Variants in TSPOAP1 observed in about 807,000 individuals in gnomAD.
The protein encoded by TSPOAP1 is peripheral-type benzodiazepine receptor-associated protein 1.
In TSPOAP1, 87 loss-of-function variants were observed where a neutral mutation model predicts 197.0. The observed-to-expected ratio is 0.44, with a 90% CI of 0.37 to 0.53. TSPOAP1 has a LOEUF of 0.53. TSPOAP1 is among the 20% of genes least tolerant of loss of function. TSPOAP1 has a pLI of 0.00. For missense variants in TSPOAP1, 2,174 were observed against 2,411.3 expected (o/e 0.90, Z 2.06); for synonymous variants, 913 against 998.9 (o/e 0.91, Z 1.62).
rs201115888 is a variant in TSPOAP1 at position 58,312,503 on chromosome 17, C to T, written c.2318G>A (p.Gly773Glu). Residue 773 changes from glycine (G) to glutamate (E), a missense_variant, in exon 17 of 32, where the codon GGG becomes GAG. Gly to Glu is a moderately conservative substitution (Grantham distance 98, BLOSUM62 -2). Transcript: ENST00000343736. ...SQPRPEEEDA[G>E]DELSLSPSPE... The stretch of plus-strand genomic sequence containing the variant: ...TGATGGGCTCAGACTGAGCTCGTCC[C>T]CTGCATCCTCCTCCTCAGGTCTGGG... 38 of 1,600,830 alleles carry T rather than the reference C, an allele frequency of 2.4e-5. No individual in the cohort carries two copies. In the East Asian group the frequency reaches 8.0e-4, roughly 34 times the overall value.
Position 58,319,277 on chromosome 17 carries a change from G to A in TSPOAP1, c.1512C>T (p.Leu504=), listed in dbSNP as rs760305904. 6.3e-6 allele frequency: 10 copies of A among 1,586,864 alleles called. No individual in the cohort carries two copies. Among genetic ancestry groups the A allele is most frequent in the East Asian group, 2.3e-5 (1 of 43,026 alleles). Residue 504 remains leucine (L), a synonymous_variant, in exon 13 of 32, where the codon CTC becomes CTT. Coordinates refer to ENST00000343736, the MANE Select transcript of TSPOAP1 (RefSeq NM_004758.4). Reference sequence around the variant, plus strand: ...CGGTTTGGCTGCGGCACTGTTCTTCGAGCTCTCGAACCCGGGCCTGGGCCA... The same window carrying A: ...CGGTTTGGCTGCGGCACTGTTCTTCAAGCTCTCGAACCCGGGCCTGGGCCA... The part of the protein sequence containing the change: ...LDSMQARVRE[L]EEQCRSQTEQ...
In TSPOAP1 at chr17:58,306,339, C is replaced by T; in HGVS notation, c.5224+3G>A. The T allele has an allele frequency of 6.4e-7, 1 of 1,553,500 alleles. No homozygotes were observed. Among genetic ancestry groups the T allele is most frequent in the African/African-American group, 1.4e-5 (1 of 73,228 alleles). On this transcript the variant is annotated splice_donor_region_variant and intron_variant, in intron 26 of 31. Transcript: ENST00000343736. ...ACCTGAGAGAGAATGGGGTCTTACC[C>T]ACCTTTCTTGGAGCGGCGGGGCTTG...
At position 58,319,136 on chromosome 17, in the gene TSPOAP1, G is replaced by A; in HGVS notation, c.1653C>T (p.Pro551=). The change falls in exon 13 of 32, where the codon CCC becomes CCT. Residue 551 remains proline (P), a synonymous_variant. Coordinates refer to ENST00000343736, the MANE Select transcript of TSPOAP1 (RefSeq NM_004758.4). ...AAGGCTGGGGAATGGAGCAGCAGCA[G>A]GGGGGTGGTGGGCAGTCTCCAAGGC... ...CGSLGDCPPP[P]CCCSIPQPCR... is the part of the protein sequence containing the mutation. The A allele has an allele frequency of 1.9e-6, 3 of 1,549,016 alleles. No homozygotes were observed. Among genetic ancestry groups the A allele is most frequent in the Non-Finnish European group, 2.6e-6 (3 of 1,144,028 alleles).
At chr17:58,323,649 C>T (rs778481774) in intron 5 of TSPOAP1, 104 bp from the exon 6 acceptor site, 3 of 1,199,720 alleles carry the variant, frequency 2.5e-6, no homozygotes, top group African/African-American at 3.1e-5. Flanking sequence ...CATCATTCAG[C>T]CAGCAAGAGA....
At position 58,323,559 on chromosome 17, in the gene TSPOAP1, G is replaced by C. The variant is rs555441378; in HGVS notation, c.943-14C>G. 6.2e-7 allele frequency: 1 copy of C among 1,612,392 alleles called. No individual in the cohort carries two copies. Among genetic ancestry groups the C allele is most frequent in the African/African-American group, 1.3e-5 (1 of 75,056 alleles). Reference sequence around the variant, plus strand: ...CTGGGGCGTGGCCTGGAAATGCCCAGGGGCAAGGGGCTGGCACCTGAGAAC... The same window carrying C: ...CTGGGGCGTGGCCTGGAAATGCCCACGGGCAAGGGGCTGGCACCTGAGAAC... On this transcript the variant is annotated splice_polypyrimidine_tract_variant and intron_variant, in intron 5 of 31. Transcript: ENST00000343736.
chr17:58,309,963 T>C lies in TSPOAP1; in HGVS notation c.3891+4A>G. ...GGCCCAACAGCCCATCCCTACCCCG[T>C]TACCTTGGCCCCATTCTCCCTGATG... On this transcript the variant is annotated splice_donor_region_variant and intron_variant, in intron 21 of 31. Coordinates refer to ENST00000343736, the MANE Select transcript of TSPOAP1 (RefSeq NM_004758.4). The surrounding 1 kb of genome is among the most constrained non-coding windows in gnomAD (Gnocchi z 5.0). 6.2e-7 allele frequency: 1 copy of C among 1,607,704 alleles called. No homozygotes were observed. Among genetic ancestry groups the C allele is most frequent in the Non-Finnish European group, 8.5e-7 (1 of 1,176,454 alleles).
At chr17:58,320,202 C>T (rs374589173) in intron 11 of TSPOAP1, 73 bp from the exon 12 acceptor site, 53 of 1,574,712 alleles carry the variant, frequency 3.4e-5, no homozygotes, top group African/African-American at 2.2e-4. Flanking sequence ...GAGAGGGAGG[C>T]GGAGAAGGGG....
At position 58,310,510 on chromosome 17, in the gene TSPOAP1, ACCTCAGCCCTGGG is replaced by A; in HGVS notation, c.3688_3699+1del. On this transcript the variant is annotated splice_donor_variant and coding_sequence_variant, in exon 20 of 32. Transcript: ENST00000343736. LOFTEE classifies it high-confidence loss of function. ...TGACACAGTGTGTCCCCAAACCCCT[ACCTCAGCCCTGGG>A]CCTCAGCCCAGACCCTGGGTCTCCT... 6.2e-7 allele frequency: 1 copy of A among 1,612,676 alleles called. No individual in the cohort carries two copies. The highest frequency in any genetic ancestry group is 8.5e-7 in the Non-Finnish European group (1 of 1,179,624).
Position 58,301,738 on chromosome 17 carries a change from G to C in TSPOAP1, c.*742C>G, listed in dbSNP as rs1310115499. 6.5e-6 allele frequency: 1 copy of C among 153,032 alleles called. No individual in the cohort carries two copies. Among genetic ancestry groups the C allele is most frequent in the African/African-American group, 2.4e-5 (1 of 41,444 alleles). The allele number at this position is 153,032 out of a possible 1,614,324, so 9.5% of individuals were successfully genotyped here. ...GAAGCGAGGTGGAGGAAGCTGAACTGAGGCACTGAGTATATACATATATAC... is the reference window on the plus strand; with the variant it reads ...GAAGCGAGGTGGAGGAAGCTGAACTCAGGCACTGAGTATATACATATATAC... On this transcript the variant is annotated 3_prime_UTR_variant, in exon 32 of 32. Coordinates refer to ENST00000343736, the MANE Select transcript of TSPOAP1 (RefSeq NM_004758.4).
Position 58,308,636 on chromosome 17 carries a change from G to T in TSPOAP1, c.4636C>A (p.Pro1546Thr), listed in dbSNP as rs61732758. 1.7e-5 allele frequency: 27 copies of T among 1,608,674 alleles called. No individual in the cohort carries two copies. The highest frequency in any genetic ancestry group is 2.3e-5 in the Non-Finnish European group (27 of 1,176,698). ...PRGPPKANSG[P>T]KPYPRLPAWE... ...GCTGGGAGGCGTGGGTAGGGCTTGG[G>T]GCCTGAATTGGCCTTCGGAGGCCCC... The change falls in exon 22 of 32, where the codon CCC becomes ACC. Residue 1546 changes from proline (P) to threonine (T), a missense_variant. By Grantham distance (38) the Pro-to-Thr change is conservative. Coordinates refer to ENST00000343736, the MANE Select transcript of TSPOAP1 (RefSeq NM_004758.4).
In TSPOAP1 at chr17:58,327,701, C is replaced by A; in HGVS notation, c.220G>T (p.Gly74Ter). 3 of 1,614,092 alleles carry A rather than the reference C, an allele frequency of 1.9e-6. No homozygotes were observed. The highest frequency in any genetic ancestry group is 2.5e-6 in the Non-Finnish European group (3 of 1,180,036). ...GCCTCTGCTCCTTCAGGGTCAGTTC[C>A]CCCCACGGGCCTGGAGCTCCCGTCT... ...KGDGSSRPVG[G>*]TDPEGAEACL... Residue 74 changes from glycine (G) to a stop codon, truncating the protein, a stop_gained, in exon 1 of 32, where the codon GGA (glycine) becomes TGA (stop). Transcript: ENST00000343736. LOFTEE classifies it high-confidence loss of function.
intron 16 of TSPOAP1, among the ~76,000 whole-genome samples, chr17:58,313,065 C>T (rs1209373968): frequency 6.6e-6 from 1 of 152,180 alleles, no homozygotes; most frequent in Non-Finnish European, 1.5e-5. Context: ...GACACTCAAG[C>T]TGCAAGGATG....
At position 58,326,013 on chromosome 17, in the gene TSPOAP1, G is replaced by A. The variant is rs1971586310; in HGVS notation, c.570+280C>T. ...ATACCCTGAGATGAGCTCAGCAGAA[G>A]GCTGCCGCCAGCACCAGCACGTGGT... On this transcript the variant is annotated intron_variant, in intron 3 of 31. Coordinates refer to ENST00000343736, the MANE Select transcript of TSPOAP1 (RefSeq NM_004758.4). This position sits in a 1 kb window ranked among gnomAD's most constrained non-coding sequence, Gnocchi z 4.7. Among the ~76,000 whole-genome samples, 1 of 152,166 alleles carries A rather than the reference G, an allele frequency of 6.6e-6. No individual in the cohort carries two copies. The highest frequency in any genetic ancestry group is 1.5e-5 in the Non-Finnish European group (1 of 68,012).
At chr17:58,305,225 C>A in intron 29 of TSPOAP1, 54 bp from the exon 30 acceptor site, 1 of 1,514,656 alleles carries the variant, frequency 6.6e-7, no homozygotes, top group South Asian at 1.1e-5. Context: ...CTGGCCCTGC[C>A]CCTCGACTCT....
Position 58,327,551 on chromosome 17 carries a change from C to G in TSPOAP1, c.333+37G>C, listed in dbSNP as rs1330282875. The G allele has an allele frequency of 4.4e-6, 7 of 1,579,994 alleles. No homozygotes were observed. In the South Asian group the frequency reaches 6.8e-5, roughly 15 times the overall value. ...GGCTGGAGGACATGGTGAGAGACCC[C>G]CACCTTGCAGACCCCAGCCCTCCAC... On this transcript the variant is annotated intron_variant, in intron 1 of 31. Coordinates refer to ENST00000343736, the MANE Select transcript of TSPOAP1 (RefSeq NM_004758.4).
In TSPOAP1 at chr17:58,327,743, T is replaced by C. The variant is rs1274629236; in HGVS notation, c.178A>G (p.Ser60Gly). 1 of 1,614,056 alleles carries C rather than the reference T, an allele frequency of 6.2e-7. No individual in the cohort carries two copies. Among genetic ancestry groups the C allele is most frequent in the Non-Finnish European group, 8.5e-7 (1 of 1,180,038 alleles). Residue 60 changes from serine (S) to glycine (G), a missense_variant, in exon 1 of 32, where the codon AGT becomes GGT. Physicochemically the swap from Ser to Gly is moderately conservative, Grantham distance 56. This residue lies in a region of TSPOAP1 where 1,933 missense variants were observed against 2,139.0 expected (regional missense o/e 0.90). Transcript: ENST00000343736. Reference sequence around the variant, plus strand: ...CTCCCGTCTCCTTTGGGCTTGGAACTCTCCTCAGACCTCAGTTCTTGAAGC... The same window carrying C: ...CTCCCGTCTCCTTTGGGCTTGGAACCCTCCTCAGACCTCAGTTCTTGAAGC... Reference protein sequence around the residue: ...LQLQELRSEESSKPKGDGSSR... With the variant: ...LQLQELRSEEGSKPKGDGSSR...
chr17:58,314,010 A>G (rs768369570), intron 16 of TSPOAP1, among the ~76,000 whole-genome samples: 14 of 152,220 alleles, frequency 9.2e-5, no homozygotes, highest in Non-Finnish European at 1.9e-4. Flanking sequence ...CGGTCAATTT[A>G]AAGAAGAAAA....
rs1971325448 is a variant in TSPOAP1 at position 58,319,149 on chromosome 17, C to A, written c.1640G>T (p.Cys547Phe). 2.6e-6 allele frequency: 4 copies of A among 1,556,120 alleles called. No individual in the cohort carries two copies. Among genetic ancestry groups the A allele is most frequent in the African/African-American group, 1.4e-5 (1 of 73,438 alleles). ...GGAGCAGCAGCAGGGGGGTGGTGGGCAGTCTCCAAGGCTCCCACAGTCCAG... is the reference window on the plus strand; with the variant it reads ...GGAGCAGCAGCAGGGGGGTGGTGGGAAGTCTCCAAGGCTCCCACAGTCCAG... The part of the protein sequence containing the change: ...SALDCGSLGD[C>F]PPPPCCCSIP... Residue 547 changes from cysteine to phenylalanine, a missense_variant, in exon 13 of 32, where the codon TGC becomes TTC. Transcript: ENST00000343736.
chr17:58,306,683 A>T (rs915211655), intron 25 of TSPOAP1, 117 bp downstream of exon 25: 9 of 1,310,980 alleles, frequency 6.9e-6, no homozygotes, highest in African/African-American at 1.5e-5. Context: ...GGCAGGCTCC[A>T]AGGCTCTGCT....
Sources: gnomAD v4.1 joint callset for allele counts (sites outside exome capture counted in the v4.1 genomes callset) on GRCh38, gnomAD v4.1.1 for gene constraint, gnomAD v4.1.1 regional missense constraint, Gnocchi (gnomAD v3.1) non-coding constraint, MANE v1.5 for transcripts, NCBI Gene and HGNC (gene_info 2026-07-23, HGNC 2026-07-21) for gene names.